The following RNF32 variants were observed in gnomAD, a reference collection of about 807,000 sequenced individuals.
The protein encoded by RNF32 is ring finger protein 32.
RNF32 carries 36 observed loss-of-function variants against 41.0 expected under a neutral mutation model. The observed-to-expected ratio is 0.88, with a 90% CI of 0.67 to 1.16. The LOEUF is 1.16. Ranked by LOEUF, RNF32 falls within the 50% of genes most tolerant of loss-of-function variation. RNF32 has a pLI of 0.00. For synonymous variants in RNF32, 154 were observed against 160.9 expected, an observed-to-expected ratio of 0.96 and a Z score of 0.32; for missense variants, 413 against 436.7, an observed-to-expected ratio of 0.95 and a Z score of 0.48.
intron 3 of RNF32, among the ~76,000 whole-genome samples, chr7:156,649,741 A>G (rs1229595356): frequency 6.6e-6 from 1 of 152,134 alleles, no homozygotes; most frequent in Non-Finnish European, 1.5e-5. Context: ...CTGATGTTGA[A>G]TCTTCGTGCA....
chr7:156,673,162 A>G (rs1802966545), intron 7 of RNF32, among the ~76,000 whole-genome samples: 1 of 152,204 alleles, frequency 6.6e-6, no homozygotes, highest in Non-Finnish European at 1.5e-5. Context: ...ATCTCAGAAC[A>G]TACCTCACAA....
intron 4 of RNF32, 175 bp downstream of exon 4, chr7:156,654,893 C>G: frequency 1.9e-6 from 1 of 533,388 alleles, no homozygotes; most frequent in Admixed American, 3.2e-5. Flanking sequence ...GCTAAACACC[C>G]TCATTAAATA....
chr7:156,644,863 T>C, intron 3 of RNF32, 106 bp downstream of exon 3: 1 of 1,191,796 alleles, frequency 8.4e-7, no homozygotes, highest in South Asian at 1.4e-5. Flanking sequence ...TTTATAATTA[T>C]ACAGAGAGGT....
chr7:156,673,091 A>G (rs957364147), intron 7 of RNF32, among the ~76,000 whole-genome samples: 1 of 152,374 alleles, frequency 6.6e-6, no homozygotes, highest in Middle Eastern at 3.4e-3. Context: ...CACCCAGATC[A>G]TATCGATCAT....
chr7:156,649,068 G>A (rs1207575204), intron 3 of RNF32, among the ~76,000 whole-genome samples: 1 of 152,066 alleles, frequency 6.6e-6, no homozygotes, highest in African/African-American at 2.4e-5. Context: ...CTCCTTCCAA[G>A]GCTTCTGCTT....
intron 6 of RNF32, 28 bp downstream of exon 6, chr7:156,658,280 A>T: frequency 1.2e-6 from 2 of 1,610,002 alleles, no homozygotes; most frequent in Non-Finnish European, 1.7e-6. Flanking sequence ...GTTTGGCGCT[A>T]AGCAGACACA....
At chr7:156,640,457 C>T (rs1797127142), upstream of RNF32, 1 of 369,390 alleles carries the variant, frequency 2.7e-6, no homozygotes, top group Non-Finnish European at 5.3e-6. Flanking sequence ...CGCCCCCGTG[C>T]TTCAGCCCGC....
At chr7:156,643,777 T>C in intron 1 of RNF32, 24 bp from the exon 2 acceptor site, 1 of 1,119,720 alleles carries the variant, frequency 8.9e-7, no homozygotes, top group South Asian at 1.3e-5. Flanking sequence ...TAACTTTGAC[T>C]TTCTGTTGAC....
In RNF32 at chr7:156,670,473, C is replaced by A. The variant is rs1802243185; in HGVS notation, c.685-5223C>A. Among the ~76,000 whole-genome samples, 1 of 152,196 alleles carries A rather than the reference C, an allele frequency of 6.6e-6. No homozygotes were observed. Among genetic ancestry groups the A allele is most frequent in the Non-Finnish European group, 1.5e-5 (1 of 68,044 alleles). Reference sequence around the variant, plus strand: ...AGAACACGTGGGACAGAGGCAACAGCTTGAAGCAACAAAGGCTAAGAATTT... The same window carrying A: ...AGAACACGTGGGACAGAGGCAACAGATTGAAGCAACAAAGGCTAAGAATTT... On this transcript the variant is annotated intron_variant, in intron 7 of 8. Transcript: ENST00000317955. The surrounding 1 kb of genome is among the most constrained non-coding windows in gnomAD (Gnocchi z 4.3).
intron 4 of RNF32, among the ~76,000 whole-genome samples, chr7:156,655,567 A>G (rs200219753): frequency 4.6e-5 from 7 of 152,222 alleles, no homozygotes; most frequent in Non-Finnish European, 7.3e-5. Context: ...GCTTATTACA[A>G]TCTGGGCAAA....
chr7:156,643,837 A>T lies in RNF32; in HGVS notation c.-41A>T, dbSNP rs750863086. 78 of 1,595,148 alleles carry T rather than the reference A, an allele frequency of 4.9e-5. No homozygotes were observed. The highest frequency in any genetic ancestry group is 6.4e-5 in the Non-Finnish European group (75 of 1,162,968). On this transcript the variant is annotated 5_prime_UTR_variant, in exon 2 of 9. Coordinates refer to ENST00000317955, the MANE Select transcript of RNF32 (RefSeq NM_030936.4). The stretch of plus-strand genomic sequence containing the variant: ...AAGGAAGGTGATAGGATGTGATGAT[A>T]GAATTTGTGATAGCCAAGCAACAAC...
chr7:156,647,705 G>A (rs1183056095), intron 3 of RNF32, among the ~76,000 whole-genome samples: 4 of 152,134 alleles, frequency 2.6e-5, no homozygotes, highest in African/African-American at 9.7e-5. Context: ...CCCAGTAGTG[G>A]GATTGCTGGA....
chr7:156,666,862 T>C (rs992917602), intron 7 of RNF32, among the ~76,000 whole-genome samples: 4 of 152,188 alleles, frequency 2.6e-5, no homozygotes, highest in Non-Finnish European at 5.9e-5. Context: ...GTAGGGTCTT[T>C]TATTGCTGCA....
chr7:156,655,907 GAA>G (rs750095392), intron 4 of RNF32, among the ~76,000 whole-genome samples: 1 of 152,336 alleles, frequency 6.6e-6, no homozygotes, highest in South Asian at 2.1e-4. Flanking sequence ...AATGAAAAGT[GAA>G]AGTTACTATC....
Position 156,675,779 on chromosome 7 carries a change from C to A in RNF32, c.768C>A (p.Ala256=), listed in dbSNP as rs1803805313. Residue 256 remains alanine (A), a synonymous_variant, in exon 8 of 9, where the codon GCC becomes GCA. Transcript: ENST00000317955. ...ELFAEIDQCL[A]INRSVLQQLE... ...TTGCAGAAATCGATCAGTGCTTGGC[C>A]ATAAATCGAAGTGTTCTTCAGCAGT... 1 of 1,614,072 alleles carries A rather than the reference C, an allele frequency of 6.2e-7. No individual in the cohort carries two copies. The highest frequency in any genetic ancestry group is 1.3e-5 in the African/African-American group (1 of 75,024).
intron 3 of RNF32, among the ~76,000 whole-genome samples, chr7:156,649,266 T>A (rs1422817646): frequency 6.6e-6 from 1 of 152,212 alleles, no homozygotes; most frequent in Non-Finnish European, 1.5e-5. Flanking sequence ...TGTTATCATC[T>A]GATCCACAAA....
intron 7 of RNF32, chr7:156,660,233 T>TGA: frequency 1.0e-6 from 1 of 985,518 alleles, no homozygotes; most frequent in Non-Finnish European, 1.2e-6. Flanking sequence ...TGTGCCAGTT[T>TGA]TTCAAAGCCT....
intron 3 of RNF32, among the ~76,000 whole-genome samples, chr7:156,648,029 G>T (rs74720092): frequency 0.011 from 1,607 of 142,950 alleles, 29 homozygotes; most frequent in African/African-American, 0.039. Flanking sequence ...GGGATTATTT[G>T]TTTTTTTTTT....
At chr7:156,654,554 G>A in intron 3 of RNF32, 22 bp from the exon 4 acceptor site, 1 of 1,610,444 alleles carries the variant, frequency 6.2e-7, no homozygotes, top group Non-Finnish European at 8.5e-7. Flanking sequence ...TCTAACTCCT[G>A]TCCTGTGCTG....
Sources: allele counts gnomAD v4.1 joint callset (sites outside exome capture counted in the v4.1 genomes callset), GRCh38; gene constraint gnomAD v4.1.1; non-coding constraint Gnocchi (gnomAD v3.1); transcripts MANE v1.5; gene names NCBI Gene and HGNC (gene_info 2026-07-23, HGNC 2026-07-21).